FAM83B: variants seen among roughly 807,000 people sequenced by gnomAD.
FAM83B encodes the protein protein FAM83B.
Under a neutral mutation model 38.8 loss-of-function variants are expected in FAM83B, and 26 were observed. The ratio of observed to expected loss-of-function variants is 0.67; its 90% CI spans 0.49 to 0.93. The LOEUF (loss-of-function observed/expected upper bound fraction) is 0.93. FAM83B is among the 40% of genes least tolerant of loss of function. The pLI is 0.00. For missense variants in FAM83B, 1,237 were observed against 1,197.3 expected (o/e 1.03, Z -0.49); for synonymous variants, 419 against 423.1 (o/e 0.99, Z 0.12).
intron 1 of FAM83B, among the ~76,000 whole-genome samples, chr6:54,859,033 A>G (rs1324965479): frequency 6.6e-6 from 1 of 152,130 alleles, no homozygotes; most frequent in African/African-American, 2.4e-5. Flanking sequence ...TATGGGCATT[A>G]TAATTCCTCC....
rs1771811838 is a variant in FAM83B at position 54,870,230 on chromosome 6, G to A, written c.-17G>A. On this transcript the variant is annotated 5_prime_UTR_variant, in exon 2 of 5. The change abolishes the stop of an existing upstream ORF in the 5' untranslated region. Transcript: ENST00000306858. ...TGAATGGACATTTGAAAGTGCCATAGCCAAACACTTGCAAGCATGGAGACC... is the reference window on the plus strand; with the variant it reads ...TGAATGGACATTTGAAAGTGCCATAACCAAACACTTGCAAGCATGGAGACC... The A allele has an allele frequency of 1.9e-6, 3 of 1,599,556 alleles. No individual in the cohort carries two copies. Among genetic ancestry groups the A allele is most frequent in the East Asian group, 4.5e-5 (2 of 44,614 alleles).
At chr6:54,869,772 G>C (rs7761633) in intron 1 of FAM83B, among the ~76,000 whole-genome samples, 142,616 of 152,092 alleles carry the variant, frequency 0.94, 66,925 homozygotes, top group East Asian at 1. Flanking sequence ...AAAGTGGTAA[G>C]TAATGTTTTT....
intron 2 of FAM83B, among the ~76,000 whole-genome samples, chr6:54,880,147 T>TG (rs963882089): frequency 2.6e-5 from 4 of 152,278 alleles, no homozygotes; most frequent in African/African-American, 9.6e-5. Context: ...TTCATACAGA[T>TG]GGGGGGAAAA....
intron 2 of FAM83B, among the ~76,000 whole-genome samples, chr6:54,908,593 G>A (rs929179678): frequency 7.2e-5 from 11 of 151,806 alleles, no homozygotes; most frequent in East Asian, 3.9e-4. Flanking sequence ...TGAAGTTCTC[G>A]GACTTAAGAT....
At chr6:54,881,413 G>A (rs1581897411) in intron 2 of FAM83B, among the ~76,000 whole-genome samples, 1 of 152,096 alleles carries the variant, frequency 6.6e-6, no homozygotes, top group Non-Finnish European at 1.5e-5. Context: ...TTTCCTTTGG[G>A]CTGTATTAAT....
intron 2 of FAM83B, among the ~76,000 whole-genome samples, chr6:54,911,064 T>C (rs1772897649): frequency 6.6e-6 from 1 of 152,068 alleles, no homozygotes; most frequent in African/African-American, 2.4e-5. Flanking sequence ...TTTCTTTTCT[T>C]AGTCTGTTTT....
In FAM83B at chr6:54,942,077, A is replaced by G. The variant is rs1000084997; in HGVS notation, c.*70A>G. The G allele has an allele frequency of 4.9e-6, 7 of 1,430,578 alleles. No individual in the cohort carries two copies. Among genetic ancestry groups the G allele is most frequent in the Non-Finnish European group, 6.6e-6 (7 of 1,061,424 alleles). 88.6% of individuals were successfully genotyped at this position (1,430,578 alleles called of 1,614,324 possible). On this transcript the variant is annotated 3_prime_UTR_variant, in exon 5 of 5. Coordinates refer to ENST00000306858, the MANE Select transcript of FAM83B (RefSeq NM_001010872.3). ...GAAAATTGTGGACAGTCTTTGTAAC[A>G]TGCCAATAGATTTTCCTAAGGACAG...
At chr6:54,879,795 A>G (rs1772082963) in intron 2 of FAM83B, among the ~76,000 whole-genome samples, 3 of 152,204 alleles carry the variant, frequency 2.0e-5, no homozygotes, top group African/African-American at 4.8e-5. Flanking sequence ...GTTAGTTAAC[A>G]CATACAGAAG....
chr6:54,848,573 T>G (rs2127570228), intron 1 of FAM83B, among the ~76,000 whole-genome samples: 1 of 152,298 alleles, frequency 6.6e-6, no homozygotes, highest in South Asian at 2.1e-4. Context: ...AGTAATTAAT[T>G]TTATTAATCT....
At chr6:54,919,500 TC>T (rs1561925014) in intron 2 of FAM83B, among the ~76,000 whole-genome samples, 5 of 151,916 alleles carry the variant, frequency 3.3e-5, no homozygotes, top group East Asian at 3.9e-4. Context: ...TCTAGATTTT[TC>T]CCCCCACTTT....
At position 54,940,065 on chromosome 6, in the gene FAM83B, A is replaced by T. The variant is rs892715938; in HGVS notation, c.1094A>T (p.Asn365Ile). 9 of 1,613,924 alleles carry T rather than the reference A, an allele frequency of 5.6e-6. No homozygotes were observed. The African/African-American group carries it at 9.3e-5, about 17-fold the overall frequency. ...GGATACAAACCTCATTTTGTTCCTA[A>T]CTTTAATGGTCCAAACGCAATACGT... ...SHGYKPHFVP[N>I]FNGPNAIRQF... The change falls in exon 5 of 5, where the codon AAC becomes ATC. Residue 365 changes from asparagine (N) to isoleucine (I), a missense_variant. Physicochemically the swap from Asn to Ile is moderately radical, Grantham distance 149. Coordinates refer to ENST00000306858, the MANE Select transcript of FAM83B (RefSeq NM_001010872.3).
At chr6:54,926,157 G>T in intron 2 of FAM83B, among the ~76,000 whole-genome samples, 1 of 152,212 alleles carries the variant, frequency 6.6e-6, no homozygotes, top group South Asian at 2.1e-4. Context: ...AAGCTAATAT[G>T]AAAATGACTT....
At chr6:54,938,360 T>G (rs976284696) in intron 4 of FAM83B, among the ~76,000 whole-genome samples, 20 of 152,200 alleles carry the variant, frequency 1.3e-4, no homozygotes, top group Non-Finnish European at 2.9e-4. Context: ...TATAATAACT[T>G]CTTTTCCTCT....
intron 2 of FAM83B, among the ~76,000 whole-genome samples, chr6:54,923,095 A>G (rs13204748): frequency 0.012 from 1,761 of 152,254 alleles, 15 homozygotes; most frequent in Middle Eastern, 0.024. Context: ...AACTAGCTTC[A>G]ACAATTATCA....
At chr6:54,873,794 C>T (rs79364336) in intron 2 of FAM83B, among the ~76,000 whole-genome samples, 2,746 of 151,418 alleles carry the variant, frequency 0.018, 105 homozygotes, top group African/African-American at 0.062. Flanking sequence ...GACTAGACAC[C>T]GTCAAAACAG....
chr6:54,888,621 A>G (rs925434116), intron 2 of FAM83B, among the ~76,000 whole-genome samples: 1 of 151,696 alleles, frequency 6.6e-6, no homozygotes, highest in African/African-American at 2.4e-5. Flanking sequence ...TCTGACTTTT[A>G]TTGTTGCTGA....
chr6:54,880,338 T>G (rs2127577638), intron 2 of FAM83B, among the ~76,000 whole-genome samples: 1 of 152,234 alleles, frequency 6.6e-6, no homozygotes, highest in East Asian at 1.9e-4. Flanking sequence ...AGACAATTAT[T>G]GAAATTTTAA....
chr6:54,846,315 C>CCCAGGCCTCTCCT (rs1263640898), upstream of FAM83B, among the ~76,000 whole-genome samples: 2 of 152,170 alleles, frequency 1.3e-5, no homozygotes, highest in Admixed American at 6.5e-5. Flanking sequence ...ACCCGCGGCC[C>CCCAGGCCTCTCCT]CCAGGCCTCT....
intron 2 of FAM83B, among the ~76,000 whole-genome samples, chr6:54,883,761 A>C (rs1359777333): frequency 6.7e-6 from 1 of 149,950 alleles, no homozygotes; most frequent in African/African-American, 2.5e-5. Flanking sequence ...CACTCTGATA[A>C]TGGTTTTTTT....
Sources: gnomAD v4.1 joint callset for allele counts (sites outside exome capture counted in the v4.1 genomes callset) on GRCh38, gnomAD v4.1.1 for gene constraint, MANE v1.5 for transcripts, NCBI Gene and HGNC (gene_info 2026-07-23, HGNC 2026-07-21) for gene names.